The following ADAMTSL1 variants were observed in gnomAD, a reference collection of about 807,000 sequenced individuals.
ADAMTSL1 encodes ADAMTS-like protein 1.
A neutral mutation model predicts 201.8 loss-of-function variants in ADAMTSL1; 126 were observed. The ratio of observed to expected loss-of-function variants is 0.62; its 90% confidence interval spans 0.54 to 0.72. The LOEUF (loss-of-function observed/expected upper bound fraction) is 0.72, where lower values mean the gene tolerates loss of function less well. Ranked by LOEUF, ADAMTSL1 falls within the 30% of genes least tolerant of loss-of-function variation. The pLI, the probability that ADAMTSL1 is intolerant of heterozygous loss-of-function variation, is 0.00. For missense variants in ADAMTSL1, 2,679 were observed against 2,277.8 expected (o/e 1.18, Z -3.59); for synonymous variants, 1,121 against 903.4 (o/e 1.24, Z -4.32).
intron 9 of ADAMTSL1, among the ~76,000 whole-genome samples, chr9:18,666,299 A>C (rs1010005818): frequency 6.6e-6 from 1 of 152,306 alleles, no homozygotes; most frequent in South Asian, 2.1e-4. Flanking sequence ...TTTAATCCTT[A>C]TAAGGGAAGT....
chr9:18,082,274 A>C (rs1488637214), intron 1 of ADAMTSL1, among the ~76,000 whole-genome samples: 1 of 152,152 alleles, frequency 6.6e-6, no homozygotes, highest in Non-Finnish European at 1.5e-5. Flanking sequence ...AGAAAATGTA[A>C]ACTACAGTGG....
intron 2 of ADAMTSL1, among the ~76,000 whole-genome samples, chr9:18,303,169 G>T (rs1043473835): frequency 6.6e-6 from 1 of 152,202 alleles, no homozygotes; most frequent in Non-Finnish European, 1.5e-5. Context: ...TACCAGGTTT[G>T]ACATTTAGAG....
rs183863511 is a variant in ADAMTSL1, at chr9:18,139,305, G to T, written c.88-24557G>T. The stretch of plus-strand genomic sequence containing the variant: ...CCAAGGCAGAGGAGGGCACATGGCA[G>T]CATATTTACCTGATTCTACAAGGTC... On this transcript the variant is annotated intron_variant, in intron 1 of 29. Transcript: ENST00000680146. Among the ~76,000 whole-genome samples the T allele has an allele frequency of 7.9e-5, 12 of 152,258 alleles. No homozygotes were observed. The East Asian group carries it at 2.1e-3, about 27-fold the overall frequency.
intron 1 of ADAMTSL1, among the ~76,000 whole-genome samples, chr9:17,943,049 G>A (rs1309568614): frequency 2.0e-5 from 3 of 152,058 alleles, no homozygotes; most frequent in Non-Finnish European, 2.9e-5. Flanking sequence ...AGCCTCCCAA[G>A]TAGCTGGGAT....
At chr9:18,001,417 C>T (rs1321305923) in intron 1 of ADAMTSL1, among the ~76,000 whole-genome samples, 1 of 151,966 alleles carries the variant, frequency 6.6e-6, no homozygotes, top group African/African-American at 2.4e-5. Context: ...GGAGACAGTA[C>T]CTGTCCTCAA....
At chr9:18,405,653 C>T (rs1818161933) in intron 2 of ADAMTSL1, among the ~76,000 whole-genome samples, 1 of 148,226 alleles carries the variant, frequency 6.7e-6, no homozygotes, top group African/African-American at 2.5e-5. Flanking sequence ...AAAAAAAAGA[C>T]TTACCTTGGG....
intron 3 of ADAMTSL1, among the ~76,000 whole-genome samples, chr9:18,537,847 C>G (rs1160201332): frequency 7.3e-6 from 1 of 136,258 alleles, no homozygotes; most frequent in African/African-American, 2.8e-5. Flanking sequence ...GCACTCAAGA[C>G]TGGAAGACAG....
intron 4 of ADAMTSL1, among the ~76,000 whole-genome samples, chr9:18,606,087 C>G (rs979443691): frequency 5.3e-5 from 8 of 152,236 alleles, no homozygotes; most frequent in African/African-American, 1.9e-4. Flanking sequence ...TTAGGCCGCC[C>G]AGATGCGAGC....
chr9:18,566,747 T>C (rs1821923041), intron 3 of ADAMTSL1, among the ~76,000 whole-genome samples: 1 of 152,076 alleles, frequency 6.6e-6, no homozygotes, highest in East Asian at 1.9e-4. Flanking sequence ...CAATAGGATG[T>C]GACAGGCCTG....
intron 1 of ADAMTSL1, among the ~76,000 whole-genome samples, chr9:17,965,930 G>C: frequency 6.6e-6 from 1 of 152,134 alleles, no homozygotes; most frequent in East Asian, 1.9e-4. Flanking sequence ...CAGGAACTAT[G>C]GCCTGTTCCA....
chr9:18,169,838 C>T (rs909007607), intron 2 of ADAMTSL1, among the ~76,000 whole-genome samples: 54 of 151,940 alleles, frequency 3.6e-4, no homozygotes, highest in African/African-American at 1.3e-3. Flanking sequence ...TAGTTTTATG[C>T]AAAGGAGAAT....
intron 2 of ADAMTSL1, among the ~76,000 whole-genome samples, chr9:18,218,446 C>T (rs1461261318): frequency 2.0e-5 from 3 of 152,094 alleles, no homozygotes; most frequent in South Asian, 4.1e-4. Flanking sequence ...CTTAATCATT[C>T]CTACACTTTA....
chr9:18,042,960 G>C (rs139702166), intron 1 of ADAMTSL1, among the ~76,000 whole-genome samples: 33 of 152,262 alleles, frequency 2.2e-4, no homozygotes, highest in African/African-American at 7.9e-4. Flanking sequence ...TTCATGATAA[G>C]AAGTAATTGA....
At chr9:18,630,401 G>A (rs1334832227) in intron 5 of ADAMTSL1, among the ~76,000 whole-genome samples, 1 of 152,174 alleles carries the variant, frequency 6.6e-6, no homozygotes, top group African/African-American at 2.4e-5. Context: ...TTAGTATGCT[G>A]CTGGCTACTT....
At chr9:18,429,538 T>G (rs895341601) in intron 2 of ADAMTSL1, among the ~76,000 whole-genome samples, 4 of 152,258 alleles carry the variant, frequency 2.6e-5, no homozygotes, top group African/African-American at 9.6e-5. Flanking sequence ...CTAATTAAAT[T>G]AAAGTCGAAT....
intron 1 of ADAMTSL1, among the ~76,000 whole-genome samples, chr9:18,156,315 A>G (rs1287662178): frequency 6.6e-6 from 1 of 151,994 alleles, no homozygotes; most frequent in African/African-American, 2.4e-5. Flanking sequence ...AATGTAAACT[A>G]AGCAGGGGTG....
intron 15 of ADAMTSL1, among the ~76,000 whole-genome samples, chr9:18,735,784 T>C (rs1227584876): frequency 7.0e-6 from 1 of 142,542 alleles, no homozygotes; most frequent in Admixed American, 7.2e-5. Context: ...AAGGTCTTGC[T>C]CTGTCGTCCA....
chr9:18,637,668 CT>C (rs1249064658), intron 6 of ADAMTSL1, among the ~76,000 whole-genome samples: 1 of 152,058 alleles, frequency 6.6e-6, no homozygotes, highest in South Asian at 2.1e-4. Flanking sequence ...CTTGTGTGTT[CT>C]TTTTTTGTAT....
At position 18,547,633 on chromosome 9, in the gene ADAMTSL1, T is replaced by TAAATAAAA. The variant is rs1554702002; in HGVS notation, c.237+14344_237+14345insTAAAAAAA. Among the ~76,000 whole-genome samples the TAAATAAAA allele has an allele frequency of 5.1e-3, 437 of 86,260 alleles. 3 individuals are homozygous for TAAATAAAA. Among genetic ancestry groups the TAAATAAAA allele is most frequent in the African/African-American group, 0.022 (417 of 19,168 alleles). 56.6% of individuals were successfully genotyped at this position (86,260 alleles called of 152,430 possible). On this transcript the variant is annotated intron_variant, in intron 3 of 28. Coordinates refer to ENST00000380548, the MANE Select transcript of ADAMTSL1 (RefSeq NM_001040272.6). ...TGTGAAGAGCGGCTGTATATATATA[T>TAAATAAAA]AAAAAAAAAAAAAAAAAAAAAGACA...
Sources: allele counts gnomAD v4.1 joint callset (sites outside exome capture counted in the v4.1 genomes callset), GRCh38; gene constraint gnomAD v4.1.1; transcripts MANE v1.5; gene names NCBI Gene and HGNC (gene_info 2026-07-23, HGNC 2026-07-21).